Variants in GIMAP8 observed in about 807,000 individuals in gnomAD.
The protein encoded by GIMAP8 is GTPase IMAP family member 8.
A neutral mutation model predicts 35.6 loss-of-function variants in GIMAP8; 29 were observed. The ratio of observed to expected loss-of-function variants is 0.81; its 90% CI spans 0.61 to 1.11. The LOEUF is 1.11. Ranked by LOEUF, GIMAP8 falls within the 50% of genes most tolerant of loss-of-function variation. The pLI, the probability that GIMAP8 is intolerant of heterozygous loss-of-function variation, is 0.00. For missense variants in GIMAP8, 811 were observed against 805.0 expected (o/e 1.01, Z -0.09); for synonymous variants, 335 against 308.7 (o/e 1.09, Z -0.89).
At position 150,467,070 on chromosome 7, in the gene GIMAP8, A is replaced by C. The variant is rs1488255255; in HGVS notation, c.372A>C (p.Glu124Asp). 6.2e-7 allele frequency: 1 copy of C among 1,614,140 alleles called. No homozygotes were observed. The highest frequency in any genetic ancestry group is 2.2e-5 in the East Asian group (1 of 44,898). ...AKGIQQVFGA[E>D]ARRHIIIVFT... ...GCATCCAACAAGTGTTTGGAGCTGA[A>C]GCCAGGAGGCACATCATTATTGTCT... The change falls in exon 2 of 5, where the codon GAA becomes GAC. Residue 124 changes from glutamate to aspartate, a missense_variant. By Grantham distance (45) the Glu-to-Asp change is conservative. Transcript: ENST00000307271.
intron 3 of GIMAP8, among the ~76,000 whole-genome samples, chr7:150,473,035 A>G (rs1042449011): frequency 3.9e-5 from 6 of 152,222 alleles, no homozygotes; most frequent in African/African-American, 1.4e-4. Flanking sequence ...CAGATTCGCA[A>G]AGCGGTAAGT....
In GIMAP8 at chr7:150,467,173, C is replaced by T; in HGVS notation, c.475C>T (p.Gln159Ter). 1 of 1,614,178 alleles carries T rather than the reference C, an allele frequency of 6.2e-7. No homozygotes were observed. Among genetic ancestry groups the T allele is most frequent in the Non-Finnish European group, 8.5e-7 (1 of 1,180,040 alleles). ...AAACAAACCTCTCAAGCAGTTGGTTCAAGACTATGAGGGCCGATACTGCAT... is the reference window on the plus strand; with the variant it reads ...AAACAAACCTCTCAAGCAGTTGGTTTAAGACTATGAGGGCCGATACTGCAT... ...EKNKPLKQLV[Q>*]DYEGRYCIFN... Residue 159 changes from glutamine to a stop codon, truncating the protein, a stop_gained, in exon 2 of 5, where the codon CAA becomes TAA. Transcript: ENST00000307271. LOFTEE classifies it high-confidence loss of function.
In GIMAP8 at chr7:150,460,232, T is replaced by A. The variant is rs147807865; in HGVS notation, c.-28-6439T>A. On this transcript the variant is annotated intron_variant, in intron 1 of 4. Coordinates refer to ENST00000307271, the MANE Select transcript of GIMAP8 (RefSeq NM_175571.4). ...GGGATCCACAGAATGGGTCATTTTA[T>A]CCATTTGATGATTATTTTAATAAAA... Among the ~76,000 whole-genome samples, 10 of 152,322 alleles carry A rather than the reference T, an allele frequency of 6.6e-5. No individual in the cohort carries two copies. In the East Asian group the frequency reaches 1.9e-3, roughly 29 times the overall value.
chr7:150,467,439 TTTTG>T (rs1251058545), intron 2 of GIMAP8, 105 bp downstream of exon 2: 3 of 878,708 alleles, frequency 3.4e-6, no homozygotes, highest in African/African-American at 3.4e-5. Flanking sequence ...GGAACATGGG[TTTTG>T]TTTAATAAGA....
chr7:150,470,099 C>T (rs1802055616), intron 2 of GIMAP8, among the ~76,000 whole-genome samples: 1 of 152,102 alleles, frequency 6.6e-6, no homozygotes, highest in African/African-American at 2.4e-5. Flanking sequence ...TACCTCATAA[C>T]AATCTTTTGA....
chr7:150,470,688 G>A, intron 2 of GIMAP8, 141 bp from the exon 3 acceptor site: 1 of 631,498 alleles, frequency 1.6e-6, no homozygotes, highest in Non-Finnish European at 2.7e-6. Flanking sequence ...CCATGACCAG[G>A]GCCTTGATTT....
In GIMAP8 at chr7:150,466,846, C is replaced by CAG; in HGVS notation, c.157_158dup (p.Ser53ArgfsTer5). 1.2e-6 allele frequency: 2 copies of CAG among 1,614,228 alleles called. No homozygotes were observed. Among genetic ancestry groups the CAG allele is most frequent in the Non-Finnish European group, 8.5e-7 (1 of 1,180,038 alleles). Reference sequence around the variant, plus strand: ...TGATCAGACAGTGATCAAAATGTGCCAGAGAGAGAGTTGGGTCCTGAGAGA... The same window carrying CAG: ...TGATCAGACAGTGATCAAAATGTGCCAGAGAGAGAGAGTTGGGTCCTGAGAGA... On this transcript the variant is annotated frameshift_variant, in exon 2 of 5. Coordinates refer to ENST00000307271, the MANE Select transcript of GIMAP8 (RefSeq NM_175571.4). LOFTEE classifies it high-confidence loss of function.
At chr7:150,458,914 C>G (rs924975317) in intron 1 of GIMAP8, among the ~76,000 whole-genome samples, 2 of 152,170 alleles carry the variant, frequency 1.3e-5, no homozygotes, top group African/African-American at 4.8e-5. Context: ...GGAGGAAATA[C>G]TCATAACAAT....
chr7:150,471,945 G>A (rs1802102115), intron 3 of GIMAP8, among the ~76,000 whole-genome samples: 1 of 152,034 alleles, frequency 6.6e-6, no homozygotes, highest in South Asian at 2.1e-4. Flanking sequence ...AAATACACCA[G>A]TTCAATTCTT....
At chr7:150,474,876 C>A (rs866198874) in intron 4 of GIMAP8, among the ~76,000 whole-genome samples, 1 of 151,286 alleles carries the variant, frequency 6.6e-6, no homozygotes. Context: ...CCTCCCCACT[C>A]CCCCCACCCC....
chr7:150,459,490 C>T (rs1290317077), intron 1 of GIMAP8, among the ~76,000 whole-genome samples: 1 of 152,030 alleles, frequency 6.6e-6, no homozygotes, highest in Non-Finnish European at 1.5e-5. Context: ...TGAGTGGTAC[C>T]ACTCCTGTTT....
chr7:150,461,901 T>G (rs1320302486), intron 1 of GIMAP8, among the ~76,000 whole-genome samples: 3 of 152,236 alleles, frequency 2.0e-5, no homozygotes, highest in Non-Finnish European at 4.4e-5. Flanking sequence ...ACAGGCTTTG[T>G]GTGAGCAAGA....
chr7:150,477,581 C>G lies in GIMAP8; in HGVS notation c.1799C>G (p.Ala600Gly). ...IFKKCGRRVCAFNNKETGQAQ... is the reference protein window; with the variant it reads ...IFKKCGRRVCGFNNKETGQAQ... ...AAAAAGTGTGGGCGGCGAGTTTGTG[C>G]TTTTAACAACAAAGAAACAGGCCAG... Residue 600 changes from alanine (A) to glycine (G), a missense_variant, in exon 5 of 5, where the codon GCT becomes GGT. Coordinates refer to ENST00000307271, the MANE Select transcript of GIMAP8 (RefSeq NM_175571.4). 1.2e-6 allele frequency: 2 copies of G among 1,614,176 alleles called. No homozygotes were observed. The highest frequency in any genetic ancestry group is 1.7e-6 in the Non-Finnish European group (2 of 1,180,040).
chr7:150,470,076 T>C lies in GIMAP8; in HGVS notation c.637-753T>C, dbSNP rs957291254. On this transcript the variant is annotated intron_variant, in intron 2 of 4. Transcript: ENST00000307271. ...GGAATGCAAAGATCATTAATTTTTATATTATGGACATTTACCTCATAACAA... is the reference window on the plus strand; with the variant it reads ...GGAATGCAAAGATCATTAATTTTTACATTATGGACATTTACCTCATAACAA... Among the ~76,000 whole-genome samples the C allele has an allele frequency of 8.5e-5, 13 of 152,380 alleles. No homozygotes were observed. In the South Asian group the frequency reaches 2.7e-3, roughly 32 times the overall value.
Position 150,477,276 on chromosome 7 carries a change from C to T in GIMAP8, c.1494C>T (p.Asn498=), listed in dbSNP as rs1371503198. The T allele has an allele frequency of 1.2e-6, 2 of 1,613,936 alleles. No individual in the cohort carries two copies. Among genetic ancestry groups the T allele is most frequent in the Admixed American group, 1.7e-5 (1 of 60,000 alleles). The change falls in exon 5 of 5, where the codon AAC becomes AAT. Residue 498 remains asparagine (N), a synonymous_variant. Transcript: ENST00000307271. The part of the protein sequence containing the change: ...EVVVVDTPSF[N]QMLDVEKDPS... ...TGGTTGTGGACACTCCTTCCTTCAA[C>T]CAGATGCTGGATGTCGAAAAGGACC...
rs868446547 is a variant in GIMAP8, at chr7:150,477,991, G to C, written c.*211G>C. The stretch of plus-strand genomic sequence containing the variant: ...GTAGGGTATTATAAAGGAGAAAGAA[G>C]ATACAAGGTGGGGAAATCTGGAAAA... On this transcript the variant is annotated 3_prime_UTR_variant, in exon 5 of 5. Transcript: ENST00000307271. 3.6e-6 allele frequency: 2 copies of C among 549,362 alleles called. No homozygotes were observed. The highest frequency in any genetic ancestry group is 6.6e-5 in the Admixed American group (2 of 30,124). 34.0% of individuals were successfully genotyped at this position (549,362 alleles called of 1,614,324 possible).
chr7:150,479,233 A>G lies in GIMAP8; in HGVS notation c.*1453A>G, dbSNP rs539940556. The G allele has an allele frequency of 1.3e-4, 20 of 152,298 alleles. No individual in the cohort carries two copies. Among genetic ancestry groups the G allele is most frequent in the African/African-American group, 4.3e-4 (18 of 41,546 alleles). 9.4% of individuals were successfully genotyped at this position (152,298 alleles called of 1,614,324 possible). ...GCGTGTTATGCTGGTTTCCTGGGTG[A>G]CAAAATTACCTGTACACCACACCCC... On this transcript the variant is annotated 3_prime_UTR_variant, in exon 5 of 5. Coordinates refer to ENST00000307271, the MANE Select transcript of GIMAP8 (RefSeq NM_175571.4).
At chr7:150,461,349 G>A (rs1469095389) in intron 1 of GIMAP8, among the ~76,000 whole-genome samples, 2 of 152,168 alleles carry the variant, frequency 1.3e-5, no homozygotes, top group African/African-American at 2.4e-5. Flanking sequence ...ACCTATTATT[G>A]TATTGGGGTC....
chr7:150,452,879 C>T (rs1585109584), intron 1 of GIMAP8, among the ~76,000 whole-genome samples: 2 of 150,934 alleles, frequency 1.3e-5, no homozygotes, highest in South Asian at 2.1e-4. Context: ...TGAGCCACTG[C>T]GCCCGGCCTC....
Sources: gnomAD v4.1 joint callset for allele counts (sites outside exome capture counted in the v4.1 genomes callset) on GRCh38, gnomAD v4.1.1 for gene constraint, MANE v1.5 for transcripts, NCBI Gene and HGNC (gene_info 2026-07-23, HGNC 2026-07-21) for gene names.